EYS: variants seen among roughly 807,000 people sequenced by gnomAD.
The protein encoded by EYS is EGF-like photoreceptor maintenance factor, also known as protein eyes shut homolog.
EYS carries 250 observed loss-of-function variants against 282.1 expected under a neutral mutation model. That is an observed-to-expected ratio of 0.89 (90% CI 0.80 to 0.98). The LOEUF (loss-of-function observed/expected upper bound fraction) is 0.98, where lower values mean the gene tolerates loss of function less well. Ranked by LOEUF, EYS falls within the 50% of genes least tolerant of loss-of-function variation. EYS has a pLI of 0.00. For missense variants in EYS, 4,016 were observed against 3,709.0 expected (o/e 1.08, Z -2.15); for synonymous variants, 1,355 against 1,282.9 (o/e 1.06, Z -1.20).
chr6:64,022,628 C>T (rs1052853272), intron 33 of EYS, among the ~76,000 whole-genome samples: 5 of 152,158 alleles, frequency 3.3e-5, no homozygotes, highest in Non-Finnish European at 7.4e-5. Context: ...GGGCACATAA[C>T]ATTTCTTCAA....
intron 35 of EYS, among the ~76,000 whole-genome samples, chr6:63,915,188 G>A (rs1286309977): frequency 1.3e-5 from 2 of 152,200 alleles, no homozygotes; most frequent in Admixed American, 6.5e-5. Context: ...GGCTAATGCA[G>A]CTGGTGACTT....
At chr6:64,086,204 C>T (rs75007465) in intron 31 of EYS, among the ~76,000 whole-genome samples, 3,488 of 152,298 alleles carry the variant, frequency 0.023, 115 homozygotes, top group African/African-American at 0.07. Flanking sequence ...ATTATCTACT[C>T]GTCTCTTCCC....
Position 64,778,423 on chromosome 6 carries a change from T to C in EYS, c.3443+34955A>G, listed in dbSNP as rs527543090. Among the ~76,000 whole-genome samples, 10 of 152,320 alleles carry C rather than the reference T, an allele frequency of 6.6e-5. No individual in the cohort carries two copies. The South Asian group carries it at 1.4e-3, about 22-fold the overall frequency. On this transcript the variant is annotated intron_variant, in intron 22 of 42. Transcript: ENST00000503581. ...TAACCCAAGATATCCATCAGGGTTATGCAAACAATAGGGGAAGACAATCTG... is the reference window on the plus strand; with the variant it reads ...TAACCCAAGATATCCATCAGGGTTACGCAAACAATAGGGGAAGACAATCTG...
intron 5 of EYS, among the ~76,000 whole-genome samples, chr6:65,487,501 G>A (rs1292916356): frequency 1.3e-5 from 2 of 152,162 alleles, no homozygotes; most frequent in South Asian, 4.1e-4. Context: ...TGTTTAACTG[G>A]CATTGCATCT....
chr6:64,501,167 T>C (rs1263366729), intron 26 of EYS, among the ~76,000 whole-genome samples: 2 of 151,848 alleles, frequency 1.3e-5, no homozygotes, highest in Admixed American at 6.6e-5. Flanking sequence ...TCTGATTAAG[T>C]ACCTTATTTC....
chr6:64,478,583 T>C (rs1439064052), intron 26 of EYS, among the ~76,000 whole-genome samples: 1 of 151,126 alleles, frequency 6.6e-6, no homozygotes, highest in African/African-American at 2.4e-5. Flanking sequence ...ATGACTGATA[T>C]AGTAAAAATA....
chr6:64,109,962 T>G (rs1773152159), intron 31 of EYS, among the ~76,000 whole-genome samples: 1 of 152,062 alleles, frequency 6.6e-6, no homozygotes, highest in Admixed American at 6.6e-5. Context: ...TATTAAAAAC[T>G]AATGGGATAG....
chr6:64,962,835 T>C (rs1769970283), intron 14 of EYS, among the ~76,000 whole-genome samples: 1 of 152,164 alleles, frequency 6.6e-6, no homozygotes, highest in South Asian at 2.1e-4. Context: ...TAAGTATATC[T>C]TAATTAAAAA....
intron 30 of EYS, among the ~76,000 whole-genome samples, chr6:64,302,480 T>G (rs556484761): frequency 2.2e-4 from 34 of 152,212 alleles, no homozygotes; most frequent in South Asian, 8.3e-4. Context: ...AGAGTCCACC[T>G]GATATGTCAT....
At chr6:63,918,234 T>C (rs1311734786) in intron 35 of EYS, among the ~76,000 whole-genome samples, 1 of 152,188 alleles carries the variant, frequency 6.6e-6, no homozygotes, top group Non-Finnish European at 1.5e-5. Flanking sequence ...TGCCATGAGA[T>C]TACGTGATTA....
At chr6:64,754,803 T>G (rs1487520960) in intron 22 of EYS, among the ~76,000 whole-genome samples, 1 of 151,912 alleles carries the variant, frequency 6.6e-6, no homozygotes, top group East Asian at 1.9e-4. Flanking sequence ...ATCTCAAAAG[T>G]ATAAAAGCCA....
chr6:65,155,888 A>G (rs1764717804), intron 12 of EYS, among the ~76,000 whole-genome samples: 1 of 151,494 alleles, frequency 6.6e-6, no homozygotes. Flanking sequence ...TCCAGATTAT[A>G]AAGATCCTTG....
chr6:64,730,377 CA>C (rs890233460), intron 22 of EYS, among the ~76,000 whole-genome samples: 3 of 152,210 alleles, frequency 2.0e-5, no homozygotes, highest in African/African-American at 7.2e-5. Flanking sequence ...AGATAGATAG[CA>C]AACAAAGGCA....
At chr6:63,819,297 G>A (rs1771261904) in intron 36 of EYS, among the ~76,000 whole-genome samples, 1 of 152,192 alleles carries the variant, frequency 6.6e-6, no homozygotes, top group Non-Finnish European at 1.5e-5. Context: ...CTGAAAGGGA[G>A]GTGGATGATG....
At chr6:64,549,229 C>G (rs1405362898) in intron 26 of EYS, among the ~76,000 whole-genome samples, 1 of 152,178 alleles carries the variant, frequency 6.6e-6, no homozygotes, top group African/African-American at 2.4e-5. Context: ...TAAAACCTGA[C>G]CTTCACTCTG....
At chr6:65,093,027 A>G (rs115354605) in intron 12 of EYS, among the ~76,000 whole-genome samples, 3,324 of 152,250 alleles carry the variant, frequency 0.022, 39 homozygotes, top group African/African-American at 0.028. Context: ...TCAATACCAA[A>G]GATAATTTTA....
intron 22 of EYS, among the ~76,000 whole-genome samples, chr6:64,725,744 G>C (rs560430114): frequency 1.3e-5 from 2 of 151,454 alleles, no homozygotes; most frequent in Non-Finnish European, 2.9e-5. Flanking sequence ...CATCCTCAAC[G>C]TTCATTTTAT....
At chr6:64,054,570 ATTG>A (rs1770919947) in intron 33 of EYS, among the ~76,000 whole-genome samples, 1 of 152,118 alleles carries the variant, frequency 6.6e-6, no homozygotes, top group Admixed American at 6.6e-5. Flanking sequence ...GAGGTTTTCT[ATTG>A]TTGATTTGAT....
At chr6:65,447,580 T>TTTC (rs150748869) in intron 5 of EYS, among the ~76,000 whole-genome samples, 27,838 of 151,442 alleles carry the variant, frequency 0.18, 3,158 homozygotes, top group Middle Eastern at 0.3. Context: ...TGTATTTTTT[T>TTTC]ATTTGACATT....
Sources: gnomAD v4.1 joint callset for allele counts (sites outside exome capture counted in the v4.1 genomes callset) on GRCh38, gnomAD v4.1.1 for gene constraint, MANE v1.5 for transcripts, NCBI Gene and HGNC (gene_info 2026-07-23, HGNC 2026-07-21) for gene names.